Variants in COMMD10 observed in about 807,000 individuals in gnomAD.
The protein encoded by COMMD10 is COMM domain-containing protein 10.
In COMMD10, 33 loss-of-function variants were observed where a neutral mutation model predicts 28.9. That is an observed-to-expected ratio of 1.14 (90% CI 0.87 to 1.53). The LOEUF (loss-of-function observed/expected upper bound fraction) is 1.53, where lower values mean the gene tolerates loss of function less well. Among genes scored for constraint, COMMD10 ranks in the 40% most tolerant of loss-of-function variants. The pLI, the probability that COMMD10 is intolerant of heterozygous loss-of-function variation, is 0.00. For synonymous variants in COMMD10, 110 were observed against 81.7 expected (o/e 1.35, Z -1.87); for missense variants, 310 against 233.4 (o/e 1.33, Z -2.14).
intron 4 of COMMD10, among the ~76,000 whole-genome samples, chr5:116,130,205 C>T (rs1302691906): frequency 6.6e-6 from 1 of 151,818 alleles, no homozygotes; most frequent in African/African-American, 2.4e-5. Flanking sequence ...AATGTGCTTA[C>T]TGTATGCGGG....
Position 116,133,690 on chromosome 5 carries a change from C to T in COMMD10, c.400-378C>T, listed in dbSNP as rs554418602. Among the ~76,000 whole-genome samples, 25 of 152,260 alleles carry T rather than the reference C, an allele frequency of 1.6e-4. 1 individual carries two copies. In the East Asian group the frequency reaches 4.6e-3, roughly 28 times the overall value. On this transcript the variant is annotated intron_variant, in intron 4 of 6. Coordinates refer to ENST00000274458, the MANE Select transcript of COMMD10 (RefSeq NM_016144.4). ...GCTTTTCACCAATTTATGCAATTTACTAGTTGAAATTTGTAACTATTTAAA... is the reference window on the plus strand; with the variant it reads ...GCTTTTCACCAATTTATGCAATTTATTAGTTGAAATTTGTAACTATTTAAA...
At chr5:116,247,781 A>AG (rs1378407654) in intron 5 of COMMD10, among the ~76,000 whole-genome samples, 4 of 152,044 alleles carry the variant, frequency 2.6e-5, no homozygotes, top group Non-Finnish European at 4.4e-5. Flanking sequence ...GGATACATAC[A>AG]GGGGAACAAC....
At chr5:116,190,736 T>G (rs1274191180) in intron 5 of COMMD10, among the ~76,000 whole-genome samples, 1 of 152,190 alleles carries the variant, frequency 6.6e-6, no homozygotes, top group African/African-American at 2.4e-5. Flanking sequence ...GGAAAGCAAC[T>G]AACAACTTTA....
At chr5:116,200,086 C>A (rs933583837) in intron 5 of COMMD10, among the ~76,000 whole-genome samples, 1 of 149,500 alleles carries the variant, frequency 6.7e-6, no homozygotes, top group Non-Finnish European at 1.5e-5. Context: ...AATGGGGTAT[C>A]CATCCCCTCA....
chr5:116,222,002 C>T (rs1024506304), intron 5 of COMMD10, among the ~76,000 whole-genome samples: 1 of 152,088 alleles, frequency 6.6e-6, no homozygotes, highest in African/African-American at 2.4e-5. Context: ...CTTTAGTTAC[C>T]AGGAGTGGAT....
intron 5 of COMMD10, among the ~76,000 whole-genome samples, chr5:116,224,744 C>G (rs1445374170): frequency 1.3e-5 from 2 of 152,030 alleles, no homozygotes; most frequent in Non-Finnish European, 2.9e-5. Context: ...TTGGAGGGGA[C>G]AAAACATTCA....
At chr5:116,168,111 G>T (rs1753192924) in intron 5 of COMMD10, among the ~76,000 whole-genome samples, 1 of 138,762 alleles carries the variant, frequency 7.2e-6, no homozygotes, top group African/African-American at 2.7e-5. Context: ...GACACACATA[G>T]GCTCAAAACA....
chr5:116,168,965 G>A (rs1345762533), intron 5 of COMMD10, among the ~76,000 whole-genome samples: 3 of 151,810 alleles, frequency 2.0e-5, no homozygotes, highest in African/African-American at 7.3e-5. Flanking sequence ...CAGAAGACAA[G>A]AAATAACTAA....
chr5:116,214,586 C>G (rs1042492159), intron 5 of COMMD10, among the ~76,000 whole-genome samples: 20 of 152,172 alleles, frequency 1.3e-4, no homozygotes, highest in African/African-American at 4.8e-4. Flanking sequence ...TCAAGGTGTT[C>G]TATGTGACCT....
chr5:116,170,635 G>GAT (rs1476198765), intron 5 of COMMD10, among the ~76,000 whole-genome samples: 15 of 152,198 alleles, frequency 9.9e-5, no homozygotes, highest in Middle Eastern at 3.4e-3. Flanking sequence ...TACCAAAACA[G>GAT]ATATATATAC....
At chr5:116,171,221 G>A (rs1421387684) in intron 5 of COMMD10, among the ~76,000 whole-genome samples, 4 of 152,008 alleles carry the variant, frequency 2.6e-5, no homozygotes, top group Non-Finnish European at 5.9e-5. Context: ...GCAGACATAC[G>A]AAAAAAAGCT....
intron 5 of COMMD10, among the ~76,000 whole-genome samples, chr5:116,287,478 G>C (rs1310988495): frequency 6.6e-6 from 1 of 151,608 alleles, no homozygotes. Context: ...TAGATCTAAA[G>C]TATGTCTCTT....
chr5:116,147,275 G>A (rs1220589092), intron 5 of COMMD10, among the ~76,000 whole-genome samples: 1 of 151,844 alleles, frequency 6.6e-6, no homozygotes, highest in Non-Finnish European at 1.5e-5. Context: ...ACCGTAACTA[G>A]GGTCATTGAT....
At chr5:116,137,706 A>C (rs1752069072) in intron 5 of COMMD10, among the ~76,000 whole-genome samples, 1 of 151,968 alleles carries the variant, frequency 6.6e-6, no homozygotes, top group African/African-American at 2.4e-5. Context: ...TGCAGCCTGC[A>C]GTGAAGTTTT....
At chr5:116,197,542 A>G (rs559628068) in intron 5 of COMMD10, among the ~76,000 whole-genome samples, 2 of 151,812 alleles carry the variant, frequency 1.3e-5, no homozygotes, top group South Asian at 4.2e-4. Context: ...AAGCCTGGCT[A>G]ATTTTTATTT....
intron 5 of COMMD10, among the ~76,000 whole-genome samples, chr5:116,248,528 A>G (rs1007421030): frequency 1.3e-5 from 2 of 151,970 alleles, no homozygotes; most frequent in East Asian, 1.9e-4. Context: ...TTAGGTATCA[A>G]AATAGCCTGT....
intron 5 of COMMD10, among the ~76,000 whole-genome samples, chr5:116,230,865 TAGACATCTTTA>T (rs775434679): frequency 2.0e-5 from 3 of 150,748 alleles, no homozygotes; most frequent in Non-Finnish European, 4.5e-5. Flanking sequence ...TGTGTGTGTG[TAGACATCTTTA>T]GTAGAAACAG....
chr5:116,102,121 T>C (rs1303123159), intron 4 of COMMD10, among the ~76,000 whole-genome samples: 2 of 152,222 alleles, frequency 1.3e-5, no homozygotes, highest in African/African-American at 2.4e-5. Context: ...ATCTTAGTCA[T>C]GAATTCTTTG....
At chr5:116,176,204 A>G (rs886823848) in intron 5 of COMMD10, among the ~76,000 whole-genome samples, 1 of 152,132 alleles carries the variant, frequency 6.6e-6, no homozygotes, top group African/African-American at 2.4e-5. Context: ...CTCCACCTAC[A>G]AGATTCAAGC....
Sources: allele counts gnomAD v4.1 joint callset (sites outside exome capture counted in the v4.1 genomes callset), GRCh38; gene constraint gnomAD v4.1.1; transcripts MANE v1.5; gene names NCBI Gene and HGNC (gene_info 2026-07-23, HGNC 2026-07-21).